The following LPP variants were observed in gnomAD, a reference collection of about 807,000 sequenced individuals.
LPP encodes the protein LIM domain containing preferred translocation partner in lipoma.
In LPP, 38 loss-of-function variants were observed where a neutral mutation model predicts 60.4. That is an observed-to-expected ratio of 0.63 (90% CI 0.49 to 0.83). The LOEUF (loss-of-function observed/expected upper bound fraction) is 0.83, where lower values mean the gene tolerates loss of function less well. Ranked by LOEUF, LPP falls within the 40% of genes least tolerant of loss-of-function variation. The pLI, the probability that LPP is intolerant of heterozygous loss-of-function variation, is 0.00. For synonymous variants in LPP, 328 were observed against 290.8 expected (o/e 1.13, Z -1.30); for missense variants, 902 against 783.6 (o/e 1.15, Z -1.80).
chr3:188,364,494 C>T (rs1282238263), intron 3 of LPP, among the ~76,000 whole-genome samples: 1 of 152,150 alleles, frequency 6.6e-6, no homozygotes, highest in African/African-American at 2.4e-5. Flanking sequence ...ATGCAGAAAA[C>T]TTCTATTGGA....
intron 4 of LPP, among the ~76,000 whole-genome samples, chr3:188,430,844 A>AT (rs199875917): frequency 1.6e-4 from 24 of 149,740 alleles, no homozygotes; most frequent in East Asian, 9.8e-4. Flanking sequence ...CAACATTGAG[A>AT]TTTTTTTTTT....
intron 2 of LPP, among the ~76,000 whole-genome samples, chr3:188,320,084 G>A (rs1264346151): frequency 1.3e-5 from 2 of 152,218 alleles, no homozygotes; most frequent in East Asian, 3.8e-4. Flanking sequence ...GGTGAAGTAC[G>A]CTTCTCATTG....
chr3:188,203,441 TTATATAAATA>T (rs1298228357), intron 1 of LPP, among the ~76,000 whole-genome samples: 55 of 88,104 alleles, frequency 6.2e-4, no homozygotes, highest in African/African-American at 2.5e-4. Flanking sequence ...AAATATATAT[TTATATAAATA>T]TATATAAATA....
At chr3:188,795,814 C>T (rs2151080480) in intron 9 of LPP, among the ~76,000 whole-genome samples, 1 of 152,242 alleles carries the variant, frequency 6.6e-6, no homozygotes, top group East Asian at 1.9e-4. Flanking sequence ...AATTCATTTT[C>T]CCTACATAAT....
At chr3:188,368,717 CACAGAGAGAG>C (rs1253103550) in intron 3 of LPP, among the ~76,000 whole-genome samples, 114 of 105,592 alleles carry the variant, frequency 1.1e-3, no homozygotes, top group African/African-American at 2.7e-3. Context: ...CACACACACA[CACAGAGAGAG>C]AGAGAGAGAG....
At chr3:188,522,807 ATATATATATGTGTATGTG>A (rs1560514916) in intron 5 of LPP, among the ~76,000 whole-genome samples, 4 of 133,252 alleles carry the variant, frequency 3.0e-5, no homozygotes, top group South Asian at 2.3e-4. Context: ...ATATATATAT[ATATATATATGTGTATGTG>A]TGTGTGTATG....
At chr3:188,819,501 A>C (rs1288568552) in intron 9 of LPP, among the ~76,000 whole-genome samples, 1 of 152,168 alleles carries the variant, frequency 6.6e-6, no homozygotes, top group Non-Finnish European at 1.5e-5. Context: ...TGTAGCTTTC[A>C]AAAAAATGAA....
intron 9 of LPP, among the ~76,000 whole-genome samples, chr3:188,777,521 G>A (rs1446858073): frequency 6.6e-6 from 1 of 152,136 alleles, no homozygotes; most frequent in Non-Finnish European, 1.5e-5. Context: ...GTGCCATAAT[G>A]GGTCTATGCA....
intron 6 of LPP, among the ~76,000 whole-genome samples, chr3:188,564,394 GTGT>G (rs555764463): frequency 2.3e-3 from 353 of 152,092 alleles, no homozygotes; most frequent in Non-Finnish European, 2.6e-3. Context: ...CACAGATAAT[GTGT>G]TGTTGTGCTT....
chr3:188,452,629 TC>T lies in LPP; in HGVS notation c.194-31961del, dbSNP rs577146080. Among the ~76,000 whole-genome samples, 230 of 152,224 alleles carry T rather than the reference TC, an allele frequency of 1.5e-3. 3 individuals carry two copies. The highest frequency in any genetic ancestry group is 0.01 in the Middle Eastern group (3 of 294). ...TCCAGACCTTTAGAACTTAATGCTT[TC>T]CGTTCAGTACTTCTGCCCCCTAACC... On this transcript the variant is annotated intron_variant, in intron 4 of 11. Transcript: ENST00000617246.
chr3:188,288,590 A>ACAC (rs1328293996), intron 2 of LPP, among the ~76,000 whole-genome samples: 2 of 151,274 alleles, frequency 1.3e-5, no homozygotes, highest in Non-Finnish European at 3.0e-5. Flanking sequence ...GCACACACAC[A>ACAC]CACATACACA....
At chr3:188,855,387 G>A (rs1034450967) in intron 9 of LPP, among the ~76,000 whole-genome samples, 1 of 152,180 alleles carries the variant, frequency 6.6e-6, no homozygotes, top group African/African-American at 2.4e-5. Flanking sequence ...AATAAGCATG[G>A]CAGAAGCATA....
rs375445093 is a variant in LPP at position 188,184,863 on chromosome 3, G to A, written c.-190+30611G>A. On this transcript the variant is annotated intron_variant, in intron 1 of 11. Transcript: ENST00000617246. ...GCAGGGCCTACCAGGAAGGGGGACT[G>A]GCTGGTGTAGGTAAAGGGGCAGTGC... 5.3e-5 allele frequency among the ~76,000 whole-genome samples: 8 copies of A among 152,202 alleles called. No individual in the cohort carries two copies. In the East Asian group the frequency reaches 1.2e-3, roughly 22 times the overall value.
At chr3:188,680,542 C>T (rs1859255174) in intron 7 of LPP, among the ~76,000 whole-genome samples, 1 of 152,150 alleles carries the variant, frequency 6.6e-6, no homozygotes, top group Admixed American at 6.5e-5. Context: ...AGTGGGAGAA[C>T]ATTTTTTTAC....
chr3:188,227,235 G>A (rs1379291445), intron 2 of LPP, among the ~76,000 whole-genome samples: 1 of 151,250 alleles, frequency 6.6e-6, no homozygotes, highest in Non-Finnish European at 1.5e-5. Flanking sequence ...TGTGCACAAT[G>A]TGCAGGTTAG....
intron 7 of LPP, among the ~76,000 whole-genome samples, chr3:188,662,222 T>C (rs1223105858): frequency 6.6e-6 from 1 of 152,246 alleles, no homozygotes; most frequent in Non-Finnish European, 1.5e-5. Flanking sequence ...GCAGGTAATA[T>C]GCATTTGAGC....
chr3:188,444,608 G>A (rs1794781610), intron 4 of LPP, among the ~76,000 whole-genome samples: 1 of 152,054 alleles, frequency 6.6e-6, no homozygotes, highest in African/African-American at 2.4e-5. Flanking sequence ...CAAAAGCAAT[G>A]CCAACAAAAG....
intron 7 of LPP, among the ~76,000 whole-genome samples, chr3:188,633,543 G>A (rs949371128): frequency 3.9e-5 from 6 of 152,168 alleles, no homozygotes; most frequent in African/African-American, 1.4e-4. Context: ...TCTGTCTACA[G>A]TGAATGAACA....
At chr3:188,278,932 A>G (rs1263162066) in intron 2 of LPP, among the ~76,000 whole-genome samples, 1 of 152,132 alleles carries the variant, frequency 6.6e-6, no homozygotes, top group South Asian at 2.1e-4. Flanking sequence ...GTATTACTTT[A>G]CATTTGTGAA....
Sources: allele counts gnomAD v4.1 joint callset (sites outside exome capture counted in the v4.1 genomes callset), GRCh38; gene constraint gnomAD v4.1.1; transcripts MANE v1.5; gene names NCBI Gene and HGNC (gene_info 2026-07-23, HGNC 2026-07-21).